ARHGAP44: variants seen among roughly 807,000 people sequenced by gnomAD.
The protein encoded by ARHGAP44 is Rho GTPase activating protein 44.
In ARHGAP44, 43 loss-of-function variants were observed where a neutral mutation model predicts 106.8. The observed-to-expected ratio is 0.40, with a 90% CI of 0.32 to 0.52. ARHGAP44 has a LOEUF of 0.52. Ranked by LOEUF, ARHGAP44 falls within the 20% of genes least tolerant of loss-of-function variation. The pLI is 0.48. For synonymous variants in ARHGAP44, 439 were observed against 410.3 expected, an observed-to-expected ratio of 1.07 and a Z score of -0.85; for missense variants, 866 against 1,050.5, an observed-to-expected ratio of 0.82 and a Z score of 2.43.
intron 1 of ARHGAP44, among the ~76,000 whole-genome samples, chr17:12,879,951 TAAGG>T (rs1341408634): frequency 6.6e-6 from 1 of 151,884 alleles, no homozygotes; most frequent in Non-Finnish European, 1.5e-5. Context: ...AAGAAAATCA[TAAGG>T]AAGAGAAAAT....
In ARHGAP44 at chr17:12,949,828, C is replaced by T. The variant is rs146343543; in HGVS notation, c.1055+98C>T. 142 of 1,202,416 alleles carry T rather than the reference C, an allele frequency of 1.2e-4. No homozygotes were observed. In the East Asian group the frequency reaches 2.4e-3, roughly 21 times the overall value. The allele number at this position is 1,202,416 out of a possible 1,614,324, so 74.5% of individuals were successfully genotyped here. ...CATGTAACCTATGATCTCGCAACCC[C>T]GTTTCTTGATCTCTGCCATGAAGGA... is the stretch of plus-strand genomic sequence containing the variant. On this transcript the variant is annotated intron_variant, in intron 12 of 20. Coordinates refer to ENST00000379672, the MANE Select transcript of ARHGAP44 (RefSeq NM_014859.6). This position sits in a 1 kb window ranked among gnomAD's most constrained non-coding sequence, Gnocchi z 4.1.
chr17:12,980,837 C>CTG (rs1295302428), intron 19 of ARHGAP44: 4 of 152,250 alleles, frequency 2.6e-5, no homozygotes, highest in Non-Finnish European at 5.9e-5. Context: ...TTGTTCTTAC[C>CTG]TGTGTCATCT....
chr17:12,842,372 A>T (rs980128383), intron 1 of ARHGAP44, among the ~76,000 whole-genome samples: 1 of 148,074 alleles, frequency 6.8e-6, no homozygotes, highest in South Asian at 2.2e-4. Context: ...AGCCATGATC[A>T]TGCCACTGCA....
chr17:12,793,888 A>G (rs868333248), intron 1 of ARHGAP44, among the ~76,000 whole-genome samples: 2 of 152,126 alleles, frequency 1.3e-5, no homozygotes, highest in South Asian at 2.1e-4. Flanking sequence ...TTCTTTGGCA[A>G]TGGAATGAGT....
intron 18 of ARHGAP44, among the ~76,000 whole-genome samples, chr17:12,974,763 C>T (rs1465631050): frequency 2.6e-5 from 4 of 151,936 alleles, no homozygotes; most frequent in Non-Finnish European, 5.9e-5. Context: ...ATAAATTAGG[C>T]ACAGTAGGAC....
chr17:12,906,050 A>G (rs1049563879), intron 3 of ARHGAP44, among the ~76,000 whole-genome samples: 1 of 152,196 alleles, frequency 6.6e-6, no homozygotes, highest in African/African-American at 2.4e-5. Context: ...TCAGATGCCA[A>G]TAGCATCTCC....
Position 12,926,526 on chromosome 17 carries a change from TATAC to T in ARHGAP44, c.465-2395_465-2392del, listed in dbSNP as rs773290140. On this transcript the variant is annotated intron_variant, in intron 6 of 20. Transcript: ENST00000379672. ...ATATATATTATATATGCATATATAT[TATAC>T]ATACATATATATTATATATATAACA... is the stretch of plus-strand genomic sequence containing the variant. Among the ~76,000 whole-genome samples the T allele has an allele frequency of 5.8e-4, 85 of 145,332 alleles. 1 individual carries two copies. The highest frequency in any genetic ancestry group is 1.7e-3 in the African/African-American group (68 of 40,048).
At chr17:12,899,768 T>TTTGAGCACATGTAAGTTGCTGC (rs2037319758) in intron 3 of ARHGAP44, among the ~76,000 whole-genome samples, 2 of 152,166 alleles carry the variant, frequency 1.3e-5, no homozygotes, top group African/African-American at 4.8e-5. Context: ...CTGCTTTTTA[T>TTTGAGCACATGTAAGTTGCTGC]TTGAGCACAT....
intron 1 of ARHGAP44, among the ~76,000 whole-genome samples, chr17:12,830,370 G>T (rs1395866425): frequency 5.9e-5 from 9 of 151,966 alleles, no homozygotes; most frequent in Admixed American, 5.9e-4. Context: ...CTACTCTTGG[G>T]GTCTGCCTCC....
At chr17:12,887,353 C>T (rs368606252) in intron 1 of ARHGAP44, among the ~76,000 whole-genome samples, 3 of 152,046 alleles carry the variant, frequency 2.0e-5, no homozygotes, top group Non-Finnish European at 4.4e-5. Context: ...CTCAGCCACC[C>T]GAGTGGCTAG....
chr17:12,941,279 A>G (rs929437140), intron 8 of ARHGAP44, among the ~76,000 whole-genome samples, 155 bp downstream of exon 8: 1 of 152,178 alleles, frequency 6.6e-6, no homozygotes, highest in Non-Finnish European at 1.5e-5. Context: ...TGCTCCTGAT[A>G]TGGATTTCTC....
chr17:12,961,607 G>T (rs966299259), intron 16 of ARHGAP44, among the ~76,000 whole-genome samples: 6 of 152,150 alleles, frequency 3.9e-5, no homozygotes, highest in Non-Finnish European at 8.8e-5. Flanking sequence ...GATGGCGCAT[G>T]CCTGTAATCC....
At chr17:12,932,737 A>T (rs927394005) in intron 7 of ARHGAP44, among the ~76,000 whole-genome samples, 2 of 150,948 alleles carry the variant, frequency 1.3e-5, no homozygotes, top group African/African-American at 4.9e-5. Context: ...ATAGATAGTC[A>T]GTTATGCCAG....
intron 2 of ARHGAP44, 57 bp from the exon 3 acceptor site, chr17:12,896,349 TC>T (rs1377380933): frequency 1.3e-5 from 18 of 1,431,334 alleles, no homozygotes; most frequent in Non-Finnish European, 1.7e-5. Flanking sequence ...ACACCCACAA[TC>T]CCTCCTCCCC....
At chr17:12,984,499 G>A in intron 19 of ARHGAP44, 32 bp from the exon 20 acceptor site, 1 of 1,503,462 alleles carries the variant, frequency 6.7e-7, no homozygotes, top group East Asian at 2.3e-5. Flanking sequence ...ACAACTTTGT[G>A]TTTTGTTGTT....
chr17:12,879,721 A>T (rs1364160012), intron 1 of ARHGAP44, among the ~76,000 whole-genome samples: 7 of 148,922 alleles, frequency 4.7e-5, no homozygotes, highest in East Asian at 2.0e-4. Context: ...ACAGTTAAAA[A>T]ATATATATAT....
intron 20 of ARHGAP44, among the ~76,000 whole-genome samples, chr17:12,989,268 CAGCA>C (rs2040048132): frequency 6.6e-6 from 1 of 151,792 alleles, no homozygotes; most frequent in African/African-American, 2.4e-5. Flanking sequence ...GCGGCTGCAG[CAGCA>C]AGGGGATTTT....
intron 1 of ARHGAP44, among the ~76,000 whole-genome samples, chr17:12,893,555 T>C (rs1251516569): frequency 6.6e-6 from 1 of 152,192 alleles, no homozygotes; most frequent in African/African-American, 2.4e-5. Flanking sequence ...TTCCACTCCC[T>C]AGATGGATGT....
intron 1 of ARHGAP44, among the ~76,000 whole-genome samples, chr17:12,869,143 G>C (rs1450688704): frequency 6.6e-6 from 1 of 152,118 alleles, no homozygotes; most frequent in African/African-American, 2.4e-5. Context: ...GATTCATGTT[G>C]TTGGAGAGAC....
Sources: gnomAD v4.1 joint callset for allele counts (sites outside exome capture counted in the v4.1 genomes callset) on GRCh38, gnomAD v4.1.1 for gene constraint, Gnocchi (gnomAD v3.1) non-coding constraint, MANE v1.5 for transcripts, NCBI Gene and HGNC (gene_info 2026-07-23, HGNC 2026-07-21) for gene names.